RBPJ: variants seen among roughly 807,000 people sequenced by gnomAD.
RBPJ encodes recombination signal binding protein for immunoglobulin kappa J region, also known as recombining binding protein suppressor of hairless.
In RBPJ, 9 loss-of-function variants were observed where a neutral mutation model predicts 67.8. The ratio of observed to expected loss-of-function variants is 0.13; its 90% CI spans 0.08 to 0.23. RBPJ has a LOEUF of 0.23. Ranked by LOEUF, RBPJ falls within the 10% of genes least tolerant of loss-of-function variation. The probability of loss-of-function intolerance (pLI) is 1.00; values close to 1 mark genes in which losing one functional copy is unlikely to be tolerated. For missense variants in RBPJ, 305 were observed against 595.6 expected (o/e 0.51, Z 5.08); for synonymous variants, 198 against 203.3 (o/e 0.97, Z 0.22).
intron 1 of RBPJ, among the ~76,000 whole-genome samples, chr4:26,353,658 G>A (rs1489309925): frequency 6.8e-6 from 1 of 148,070 alleles, no homozygotes. Context: ...ACCCAAGCTG[G>A]TGTGTAGTGG....
chr4:26,419,166 A>G (rs1200884308), intron 4 of RBPJ, among the ~76,000 whole-genome samples: 1 of 152,038 alleles, frequency 6.6e-6, no homozygotes, highest in African/African-American at 2.4e-5. Context: ...TTTCGTAGAG[A>G]TGGGGTTTCA....
At chr4:26,186,890 C>T (rs111574428) in intron 1 of RBPJ, among the ~76,000 whole-genome samples, 3 of 152,236 alleles carry the variant, frequency 2.0e-5, no homozygotes, top group African/African-American at 7.2e-5. Context: ...ACGGAATACC[C>T]CAGCAATTTG....
intron 1 of RBPJ, among the ~76,000 whole-genome samples, chr4:26,215,435 G>T (rs1392411307): frequency 1.4e-5 from 2 of 144,064 alleles, no homozygotes; most frequent in Non-Finnish European, 3.0e-5. Flanking sequence ...GAGGGAAGGG[G>T]ACGACTACAT....
At chr4:26,425,377 G>A (rs1285964987) in intron 7 of RBPJ, among the ~76,000 whole-genome samples, 2 of 152,038 alleles carry the variant, frequency 1.3e-5, no homozygotes, top group African/African-American at 2.4e-5. Flanking sequence ...GAAGTGACTA[G>A]CCCTGGCATC....
chr4:26,259,334 G>A (rs761622872), intron 1 of RBPJ, among the ~76,000 whole-genome samples: 1 of 152,132 alleles, frequency 6.6e-6, no homozygotes, highest in African/African-American at 2.4e-5. Flanking sequence ...ATAATAAGCA[G>A]ATGTTATTAT....
At chr4:26,208,909 G>A (rs1348748908) in intron 1 of RBPJ, among the ~76,000 whole-genome samples, 1 of 152,052 alleles carries the variant, frequency 6.6e-6, no homozygotes, top group African/African-American at 2.4e-5. Flanking sequence ...TAAGATAGTA[G>A]ATATTCAATA....
chr4:26,287,810 G>T (rs929866518), intron 1 of RBPJ, among the ~76,000 whole-genome samples: 1 of 150,496 alleles, frequency 6.6e-6, no homozygotes, highest in Non-Finnish European at 1.5e-5. Flanking sequence ...AGGGAGGGAG[G>T]GAGGGAAAGA....
the RBPJ span, among the ~76,000 whole-genome samples, chr4:26,128,979 A>G: frequency 1.3e-5 from 2 of 152,236 alleles, no homozygotes; most frequent in African/African-American, 4.8e-5. Flanking sequence ...CTATGAGTCC[A>G]TTAAACTTCT....
At chr4:26,194,495 A>G (rs1256854641) in intron 1 of RBPJ, among the ~76,000 whole-genome samples, 1 of 152,220 alleles carries the variant, frequency 6.6e-6, no homozygotes, top group East Asian at 1.9e-4. Flanking sequence ...AGATGAGGAA[A>G]CTAGGTTCAT....
At chr4:26,294,063 GTTGTTTTTGTTTTTGTTTTTGTTT>G (rs145910389) in intron 1 of RBPJ, among the ~76,000 whole-genome samples, 22 of 147,718 alleles carry the variant, frequency 1.5e-4, no homozygotes, top group Admixed American at 4.0e-4. Flanking sequence ...CGGCCAGGAA[GTTGTTTTTGTTTTTGTTTTTGTTT>G]TTGTTTTTGT....
At chr4:26,387,892 A>G (rs1731083147) in intron 2 of RBPJ, among the ~76,000 whole-genome samples, 1 of 152,226 alleles carries the variant, frequency 6.6e-6, no homozygotes, top group Admixed American at 6.5e-5. Context: ...CAGTAGTGAT[A>G]TAAAATTGGG....
In RBPJ at chr4:26,321,035, C is replaced by T; in HGVS notation, c.7C>T (p.Pro3Ser). MA[P>S]VVTGKFGERP... The stretch of plus-strand genomic sequence containing the variant: ...TGGCGAGAGTTTGTGGAAGATGGCG[C>T]CTGTTGTGACAGGGTAAGTCTGAGG... The change falls in exon 1 of 11, where the codon CCT becomes TCT. Residue 3 changes from proline (P) to serine (S), a missense_variant. This residue lies in a region of RBPJ where 42 missense variants were observed against 43.6 expected (regional missense o/e 0.96). Transcript: ENST00000355476. 3 of 1,612,718 alleles carry T rather than the reference C, an allele frequency of 1.9e-6. No homozygotes were observed. Among genetic ancestry groups the T allele is most frequent in the Non-Finnish European group, 2.5e-6 (3 of 1,178,962 alleles).
At chr4:26,260,491 T>C (rs1720490011) in intron 1 of RBPJ, among the ~76,000 whole-genome samples, 1 of 150,934 alleles carries the variant, frequency 6.6e-6, no homozygotes, top group East Asian at 1.9e-4. Flanking sequence ...TAGTCAAAAA[T>C]TTTAGTTGAC....
intron 1 of RBPJ, among the ~76,000 whole-genome samples, chr4:26,358,566 G>A (rs1467418889): frequency 6.6e-6 from 1 of 150,452 alleles, no homozygotes; most frequent in Non-Finnish European, 1.5e-5. Flanking sequence ...CTTGAGGCCA[G>A]GGGTTTGAGA....
chr4:26,213,213 C>T (rs1423567252), intron 1 of RBPJ, among the ~76,000 whole-genome samples: 1 of 152,124 alleles, frequency 6.6e-6, no homozygotes, highest in Non-Finnish European at 1.5e-5. Flanking sequence ...GACAGGACAC[C>T]TCTATCCCAG....
chr4:26,364,691 A>G (rs1728442121), intron 1 of RBPJ, among the ~76,000 whole-genome samples: 1 of 127,560 alleles, frequency 7.8e-6, no homozygotes, highest in African/African-American at 3.1e-5. Flanking sequence ...CAATTGTGTG[A>G]TCTCGGCTCA....
chr4:26,225,127 A>G (rs900443041), intron 1 of RBPJ, among the ~76,000 whole-genome samples: 1 of 152,334 alleles, frequency 6.6e-6, no homozygotes, highest in East Asian at 1.9e-4. Flanking sequence ...TTCAATACCT[A>G]TCGGGAACCA....
At chr4:26,279,553 G>A (rs895959129) in intron 1 of RBPJ, among the ~76,000 whole-genome samples, 2 of 152,082 alleles carry the variant, frequency 1.3e-5, no homozygotes, top group African/African-American at 4.8e-5. Context: ...TGGGATTAAA[G>A]GCGTGAGCCA....
intron 1 of RBPJ, among the ~76,000 whole-genome samples, chr4:26,185,386 T>C (rs1019637311): frequency 2.0e-5 from 3 of 152,138 alleles, no homozygotes; most frequent in Admixed American, 1.3e-4. Context: ...ATGGTTTCTC[T>C]CCTCAACACC....
Sources: allele counts gnomAD v4.1 joint callset (sites outside exome capture counted in the v4.1 genomes callset), GRCh38; gene constraint gnomAD v4.1.1; regional missense constraint gnomAD v4.1.1; transcripts MANE v1.5; gene names NCBI Gene and HGNC (gene_info 2026-07-23, HGNC 2026-07-21).